ZMYM4: variants seen among roughly 807,000 people sequenced by gnomAD.
The protein encoded by ZMYM4 is zinc finger MYM-type protein 4.
A neutral mutation model predicts 183.2 loss-of-function variants in ZMYM4; 31 were observed. That is an observed-to-expected ratio of 0.17 (90% confidence interval 0.13 to 0.23). The LOEUF is 0.23. Among genes scored for constraint, ZMYM4 ranks in the 10% least tolerant of loss-of-function variants. The pLI, the probability that ZMYM4 is intolerant of heterozygous loss-of-function variation, is 1.00. For missense variants in ZMYM4, 1,273 were observed against 1,840.3 expected, an observed-to-expected ratio of 0.69 and a Z score of 5.64; for synonymous variants, 592 against 631.2, an observed-to-expected ratio of 0.94 and a Z score of 0.93.
chr1:35,315,832 G>A (rs1302431294), intron 1 of ZMYM4, among the ~76,000 whole-genome samples: 2 of 152,010 alleles, frequency 1.3e-5, no homozygotes, highest in East Asian at 1.9e-4. Flanking sequence ...AGGCTGAGAC[G>A]GAAGGATTGC....
At chr1:35,378,134 T>G (rs1030896057) in intron 7 of ZMYM4, among the ~76,000 whole-genome samples, 7 of 152,228 alleles carry the variant, frequency 4.6e-5, no homozygotes, top group African/African-American at 1.7e-4. Flanking sequence ...GCAGCAATTC[T>G]GTCGCATCTT....
rs753596562 is a variant in ZMYM4, at chr1:35,399,542, G to A, written c.3494G>A (p.Arg1165Gln). 20 of 1,613,900 alleles carry A rather than the reference G, an allele frequency of 1.2e-5. No individual in the cohort carries two copies. Among genetic ancestry groups the A allele is most frequent in the Non-Finnish European group, 1.5e-5 (18 of 1,179,996 alleles). Residue 1165 changes from arginine (R) to glutamine (Q), a missense_variant, in exon 23 of 30, where the codon CGA becomes CAA. Arg to Gln is a conservative substitution (Grantham distance 43). Around this residue, in one of 6 missense-constraint regions of ZMYM4, gnomAD observed 133 missense variants for 155.7 expected, o/e 0.85. Coordinates refer to ENST00000314607, the MANE Select transcript of ZMYM4 (RefSeq NM_005095.3). ...CAGGCACGTTCCCGAACAAGACGAC[G>A]ACACAGAGATGGCTTCCCCCAACCC... ...GIQARSRTRR[R>Q]HRDGFPQPRR...
chr1:35,334,181 T>C (rs1331932889), intron 2 of ZMYM4, among the ~76,000 whole-genome samples: 2 of 152,050 alleles, frequency 1.3e-5, no homozygotes, highest in East Asian at 3.8e-4. Context: ...TAGTTGGGCT[T>C]GGGGGCACAT....
intron 23 of ZMYM4, 129 bp downstream of exon 23, chr1:35,399,705 G>A: frequency 4.4e-6 from 4 of 904,276 alleles, no homozygotes; most frequent in Non-Finnish European, 6.5e-6. Context: ...TGCAACTTTT[G>A]TTTTTTGAAT....
At chr1:35,330,655 T>C (rs902652211) in intron 2 of ZMYM4, among the ~76,000 whole-genome samples, 4 of 152,234 alleles carry the variant, frequency 2.6e-5, no homozygotes, top group Admixed American at 2.0e-4. Flanking sequence ...AGAATTGTTA[T>C]TGTGTACATA....
intron 1 of ZMYM4, among the ~76,000 whole-genome samples, chr1:35,315,300 G>A (rs539105161): frequency 2.0e-5 from 3 of 152,198 alleles, no homozygotes; most frequent in Admixed American, 2.0e-4. Context: ...GAACTTGAAA[G>A]TAATTCAGTT....
chr1:35,417,257 A>G (rs1029165164), intron 28 of ZMYM4, among the ~76,000 whole-genome samples: 2 of 151,588 alleles, frequency 1.3e-5, no homozygotes, highest in African/African-American at 4.8e-5. Flanking sequence ...AAAAAAAAGA[A>G]AGAAAACCTT....
chr1:35,302,378 C>CTTT (rs1179477732), intron 1 of ZMYM4, among the ~76,000 whole-genome samples: 82 of 86,150 alleles, frequency 9.5e-4, no homozygotes, highest in Non-Finnish European at 1.1e-3. Context: ...GCTAATTTGA[C>CTTT]TTTTTTTTTT....
rs746056368 is a variant in ZMYM4 at position 35,405,362 on chromosome 1, C to G, written c.3701-11C>G. On this transcript the variant is annotated splice_polypyrimidine_tract_variant and intron_variant, in intron 24 of 29. Transcript: ENST00000314607. ...ATTTAAACTTTTCTTTTATGTTTCT[C>G]TCCTTGTCAGGGGTTGAACAGGCCT... 6.3e-7 allele frequency: 1 copy of G among 1,596,250 alleles called. No individual in the cohort carries two copies. Among genetic ancestry groups the G allele is most frequent in the East Asian group, 2.2e-5 (1 of 44,814 alleles).
intron 2 of ZMYM4, chr1:35,350,596 A>G (rs1643570009): frequency 5.7e-6 from 1 of 175,612 alleles, no homozygotes; most frequent in Non-Finnish European, 1.2e-5. Context: ...TGAAATTACT[A>G]TTAATACTAG....
chr1:35,329,321 G>A (rs555367283), intron 2 of ZMYM4, among the ~76,000 whole-genome samples: 1 of 152,210 alleles, frequency 6.6e-6, no homozygotes, highest in Non-Finnish European at 1.5e-5. Flanking sequence ...GATACATGGT[G>A]TGTTAGAGGA....
At chr1:35,288,930 A>G (rs1214647207) in intron 1 of ZMYM4, among the ~76,000 whole-genome samples, 6 of 152,234 alleles carry the variant, frequency 3.9e-5, no homozygotes, top group Non-Finnish European at 8.8e-5. Context: ...TGTCTCCAGT[A>G]GAACAAATAG....
chr1:35,328,109 A>G (rs559520649), intron 2 of ZMYM4, among the ~76,000 whole-genome samples: 3 of 152,314 alleles, frequency 2.0e-5, no homozygotes, highest in African/African-American at 7.2e-5. Flanking sequence ...TTGTTGCAGT[A>G]AAAACATTCT....
At chr1:35,362,228 T>C (rs1046754830) in intron 5 of ZMYM4, among the ~76,000 whole-genome samples, 4 of 152,202 alleles carry the variant, frequency 2.6e-5, no homozygotes, top group Non-Finnish European at 5.9e-5. Flanking sequence ...GAAGGGTTAA[T>C]TGATTGAAGA....
Position 35,398,939 on chromosome 1 carries a change from A to C in ZMYM4, c.3329A>C (p.Asn1110Thr), listed in dbSNP as rs1016161766. The C allele has an allele frequency of 1.1e-5, 18 of 1,614,062 alleles. No individual in the cohort carries two copies. The highest frequency in any genetic ancestry group is 1.5e-5 in the Non-Finnish European group (18 of 1,180,016). The part of the protein sequence containing the change: ...STPHSWEEEL[N>T]HYALKSNAVQ... ...CCACATAGCTGGGAGGAAGAGCTGA[A>C]TCACTATGCCTTAAAGTCAAATGCT... The change falls in exon 22 of 30, where the codon AAT becomes ACT. Residue 1110 changes from asparagine to threonine, a missense_variant. By Grantham distance (65) the Asn-to-Thr change is moderately conservative. Around this residue, in one of 6 missense-constraint regions of ZMYM4, gnomAD observed 290 missense variants for 353.3 expected, o/e 0.82. Coordinates refer to ENST00000314607, the MANE Select transcript of ZMYM4 (RefSeq NM_005095.3).
intron 2 of ZMYM4, among the ~76,000 whole-genome samples, chr1:35,327,953 GCAT>G (rs1410018740): frequency 6.6e-6 from 1 of 152,102 alleles, no homozygotes; most frequent in Non-Finnish European, 1.5e-5. Flanking sequence ...CTCTTGGAAG[GCAT>G]GCCTCTGTCA....
At chr1:35,322,660 G>A (rs552833979) in intron 1 of ZMYM4, among the ~76,000 whole-genome samples, 3 of 152,246 alleles carry the variant, frequency 2.0e-5, no homozygotes, top group Admixed American at 6.5e-5. Flanking sequence ...GACAGGTGTC[G>A]TAGGCAGCAT....
intron 7 of ZMYM4, among the ~76,000 whole-genome samples, chr1:35,375,653 A>T (rs1303441230): frequency 6.6e-6 from 1 of 152,220 alleles, no homozygotes; most frequent in Non-Finnish European, 1.5e-5. Flanking sequence ...TTCAGAATAA[A>T]TTTCATTTTT....
At chr1:35,336,389 CTT>C (rs35011285) in intron 2 of ZMYM4, among the ~76,000 whole-genome samples, 23 of 143,568 alleles carry the variant, frequency 1.6e-4, no homozygotes, top group Admixed American at 2.1e-4. Context: ...TCACAATTAC[CTT>C]TTTTTTTTTT....
Sources: allele counts gnomAD v4.1 joint callset (sites outside exome capture counted in the v4.1 genomes callset), GRCh38; gene constraint gnomAD v4.1.1; regional missense constraint gnomAD v4.1.1; transcripts MANE v1.5; gene names NCBI Gene and HGNC (gene_info 2026-07-23, HGNC 2026-07-21).